Variants in NCOR2 observed in about 807,000 individuals in gnomAD.
NCOR2 encodes the protein CTG repeat protein 26.
NCOR2 carries 81 observed loss-of-function variants against 262.9 expected under a neutral mutation model. The observed-to-expected ratio is 0.31, with a 90% CI of 0.26 to 0.37. The LOEUF (loss-of-function observed/expected upper bound fraction) is 0.37. Ranked by LOEUF, NCOR2 falls within the 10% of genes least tolerant of loss-of-function variation. The probability of loss-of-function intolerance (pLI) is 1.00; values close to 1 mark genes in which losing one functional copy is unlikely to be tolerated. For missense variants in NCOR2, 3,385 were observed against 3,621.4 expected (o/e 0.93, Z 1.68); for synonymous variants, 1,659 against 1,559.3 (o/e 1.06, Z -1.51).
At chr12:124,468,037 A>ATCC (rs147189850) in intron 4 of NCOR2, among the ~76,000 whole-genome samples, 121 of 1,408 alleles carry the variant, frequency 0.086, 11 homozygotes, top group Middle Eastern at 0.17. Context: ...CACCCTCATC[A>ATCC]TCCTCATCAC....
intron 1 of NCOR2, among the ~76,000 whole-genome samples, chr12:124,490,632 C>A (rs1434584663): frequency 5.9e-5 from 9 of 152,154 alleles, no homozygotes; most frequent in Non-Finnish European, 1.0e-4. Flanking sequence ...AGAGACCCCC[C>A]CCAGGGCACT....
At chr12:124,354,227 G>A in intron 26 of NCOR2, 31 bp from the exon 29 acceptor site, 3 of 1,550,368 alleles carry the variant, frequency 1.9e-6, no homozygotes, top group Non-Finnish European at 2.6e-6. Flanking sequence ...GGCTGAGGGC[G>A]TGTCTGTGGC....
chr12:124,422,753 G>A (rs1189261802), intron 11 of NCOR2, among the ~76,000 whole-genome samples, 198 bp from the exon 14 acceptor site: 2 of 152,236 alleles, frequency 1.3e-5, no homozygotes, highest in Non-Finnish European at 2.9e-5. Flanking sequence ...GGGTAAGAGA[G>A]GGCGTTCCTT....
chr12:124,347,695 T>C (rs1266475968), intron 30 of NCOR2, 130 bp downstream of exon 32: 11 of 837,206 alleles, frequency 1.3e-5, no homozygotes, highest in Middle Eastern at 3.2e-4. Context: ...ATCATGTACA[T>C]GTGTGCTGCA....
chr12:124,532,218 C>T (rs1175270442), intron 1 of NCOR2, among the ~76,000 whole-genome samples: 1 of 152,082 alleles, frequency 6.6e-6, no homozygotes, highest in African/African-American at 2.4e-5. Flanking sequence ...CTTGTCTCCC[C>T]CATGCCCCCT....
At chr12:124,485,302 A>C (rs1363396455) in intron 2 of NCOR2, among the ~76,000 whole-genome samples, 1 of 152,266 alleles carries the variant, frequency 6.6e-6, no homozygotes, top group African/African-American at 2.4e-5. Context: ...ATCCTGGATT[A>C]GGATCACTGG....
chr12:124,421,329 C>G (rs1485294887), intron 12 of NCOR2, among the ~76,000 whole-genome samples: 1 of 152,260 alleles, frequency 6.6e-6, no homozygotes, highest in East Asian at 1.9e-4. Context: ...TTCTAATCCC[C>G]TCATCCTGAA....
chr12:124,368,384 GTCA>G (rs1191202152), intron 20 of NCOR2, among the ~76,000 whole-genome samples: 4 of 152,150 alleles, frequency 2.6e-5, no homozygotes, highest in African/African-American at 4.8e-5. Flanking sequence ...TTTCCCCATG[GTCA>G]TCAAGCTGGG....
At position 124,503,483 on chromosome 12, in the gene NCOR2, A is replaced by ATGATGGATTGAT. The variant is rs1555233099; in HGVS notation, c.-117-8127_-117-8116dup. On this transcript the variant is annotated intron_variant, in intron 1 of 46. Transcript: ENST00000404621. This position sits in a 1 kb window ranked among gnomAD's most constrained non-coding sequence, Gnocchi z 4.3. ...CATGGACTGATGGATGGATGGATGG[A>ATGATGGATTGAT]TGATGGATTGATGGATGGATGGATG... Among the ~76,000 whole-genome samples, 3 of 151,424 alleles carry ATGATGGATTGAT rather than the reference A, an allele frequency of 2.0e-5. No homozygotes were observed. Among genetic ancestry groups the ATGATGGATTGAT allele is most frequent in the Non-Finnish European group, 4.4e-5 (3 of 67,854 alleles).
chr12:124,336,000 G>T (rs1233990363), intron 38 of NCOR2: 2 of 239,822 alleles, frequency 8.3e-6, no homozygotes, highest in Non-Finnish European at 1.6e-5. Flanking sequence ...GAGAAGTGGG[G>T]GTGTGGCTGG....
chr12:124,372,043 G>A, exon 20 of NCOR2: 1 of 1,597,742 alleles, frequency 6.3e-7, no homozygotes, highest in Non-Finnish European at 8.5e-7. Context: ...GCCGCCCTCG[G>A]CCTCATCCAC....
At chr12:124,358,584 G>C (rs1481351652) in intron 22 of NCOR2, among the ~76,000 whole-genome samples, 2 of 152,212 alleles carry the variant, frequency 1.3e-5, no homozygotes, top group Non-Finnish European at 2.9e-5. Flanking sequence ...CTCACACAGA[G>C]ACTGCTGCCA....
At chr12:124,470,039 A>G (rs2046749474) in intron 4 of NCOR2, among the ~76,000 whole-genome samples, 1 of 151,800 alleles carries the variant, frequency 6.6e-6, no homozygotes, top group Non-Finnish European at 1.5e-5. Context: ...GGTGATGCAC[A>G]CCTGTACTCC....
At chr12:124,499,473 A>G (rs1044673680), upstream of NCOR2, among the ~76,000 whole-genome samples, 1 of 151,466 alleles carries the variant, frequency 6.6e-6, no homozygotes, top group Non-Finnish European at 1.5e-5. Flanking sequence ...AGGAGATACG[A>G]GGAAGAAGAA....
intron 7 of NCOR2, among the ~76,000 whole-genome samples, chr12:124,445,406 C>T (rs2136467698): frequency 6.6e-6 from 1 of 152,306 alleles, no homozygotes; most frequent in South Asian, 2.1e-4. Context: ...AAGCAGGTGG[C>T]GGTGGGAGGG....
intron 32 of NCOR2, among the ~76,000 whole-genome samples, chr12:124,343,536 C>T (rs555046352): frequency 5.9e-5 from 9 of 152,172 alleles, no homozygotes; most frequent in Non-Finnish European, 7.3e-5. Context: ...CCAGCCCTCA[C>T]AAGCTGACAT....
intron 42 of NCOR2, 104 bp from the exon 45 acceptor site, chr12:124,332,571 A>T: frequency 6.8e-7 from 1 of 1,474,394 alleles, no homozygotes; most frequent in Admixed American, 1.8e-5. Flanking sequence ...TTTGGAAGCA[A>T]GCTTCACCCG....
intron 11 of NCOR2, among the ~76,000 whole-genome samples, chr12:124,424,734 G>A (rs75843516): frequency 0.016 from 2,407 of 152,286 alleles, 77 homozygotes; most frequent in African/African-American, 0.055. Context: ...CCAAAGCCCA[G>A]GGCACTGGGG....
chr12:124,440,106 C>A lies in NCOR2; in HGVS notation c.816-2110G>T, dbSNP rs1181217751. Among the ~76,000 whole-genome samples the A allele has an allele frequency of 6.6e-6, 1 of 152,194 alleles. No homozygotes were observed. The highest frequency in any genetic ancestry group is 1.5e-5 in the Non-Finnish European group (1 of 68,030). The stretch of plus-strand genomic sequence containing the variant: ...ACAGCGACCTCAGGAGCCTGCTGTG[C>A]ACCTTAACTTGCTGTCTGTCCCCAA... On this transcript the variant is annotated intron_variant, in intron 7 of 46. Transcript: ENST00000405201. This position sits in a 1 kb window ranked among gnomAD's most constrained non-coding sequence, Gnocchi z 5.7.
Sources: allele counts gnomAD v4.1 joint callset (sites outside exome capture counted in the v4.1 genomes callset), GRCh38; gene constraint gnomAD v4.1.1; non-coding constraint Gnocchi (gnomAD v3.1); transcripts MANE v1.5; gene names NCBI Gene and HGNC (gene_info 2026-07-23, HGNC 2026-07-21).